Variants in REPS2 observed in about 807,000 individuals in gnomAD.
REPS2 encodes RALBP1 associated Eps domain containing 2.
In REPS2, 23 loss-of-function variants were observed where a neutral mutation model predicts 53.6. The ratio of observed to expected loss-of-function variants is 0.43; its 90% CI spans 0.31 to 0.61. The LOEUF (loss-of-function observed/expected upper bound fraction) is 0.61, where lower values mean the gene tolerates loss of function less well. Among genes scored for constraint, REPS2 ranks in the 20% least tolerant of loss-of-function variants. The pLI, the probability that REPS2 is intolerant of heterozygous loss-of-function variation, is 0.11. For synonymous variants in REPS2, 238 were observed against 218.6 expected (o/e 1.09, Z -0.78); for missense variants, 446 against 534.9 (o/e 0.83, Z 1.64).
At chrX:17,024,916 T>G (rs2061623492) in intron 3 of REPS2, 143 bp from the exon 4 acceptor site, 1 of 810,419 alleles carries the variant, frequency 1.2e-6, no homozygotes, top group Admixed American at 2.4e-5. Flanking sequence ...TGTTTAACCA[T>G]GCTGCATTTT....
intron 13 of REPS2, among the ~76,000 whole-genome samples, chrX:17,085,817 T>C (rs962224271): frequency 8.9e-6 from 1 of 111,895 alleles, no homozygotes; most frequent in Non-Finnish European, 1.9e-5. Flanking sequence ...TAATTGTATA[T>C]ATAAACTCTT....
At chrX:17,038,612 C>T (rs2061794390) in intron 5 of REPS2, among the ~76,000 whole-genome samples, 1 of 112,600 alleles carries the variant, frequency 8.9e-6, no homozygotes, top group African/African-American at 3.2e-5. Context: ...TTGAGTGGAA[C>T]CTAAGTCCTA....
the REPS2 span, among the ~76,000 whole-genome samples, chrX:17,179,629 T>A: frequency 2.7e-5 from 3 of 112,094 alleles, no homozygotes; most frequent in Non-Finnish European, 5.6e-5. Flanking sequence ...ATACATAAAT[T>A]ATTATTATTT....
intron 16 of REPS2, chrX:17,135,632 G>T (rs2063356034): frequency 6.1e-6 from 2 of 327,403 alleles, no homozygotes; most frequent in African/African-American, 2.7e-5. Flanking sequence ...CTAGGCTGTG[G>T]TGTTTGGTTT....
intron 1 of REPS2, among the ~76,000 whole-genome samples, chrX:16,964,215 G>A (rs2060703082): frequency 9.3e-6 from 1 of 108,100 alleles, no homozygotes; most frequent in Non-Finnish European, 1.9e-5. Context: ...CTTGAGATTA[G>A]GGAGTGGTGC....
chrX:17,044,051 A>G (rs1247061931), intron 5 of REPS2, among the ~76,000 whole-genome samples: 2 of 112,377 alleles, frequency 1.8e-5, no homozygotes, highest in East Asian at 5.6e-4. Flanking sequence ...GCAGCAGGTC[A>G]TCTCTGCAGG....
the REPS2 span, among the ~76,000 whole-genome samples, chrX:17,188,354 T>C: frequency 8.9e-6 from 1 of 112,324 alleles, no homozygotes; most frequent in Admixed American, 9.5e-5. Context: ...CCACTCTTTT[T>C]GAGGACAGAG....
At chrX:16,963,550 T>C (rs187101228) in intron 1 of REPS2, among the ~76,000 whole-genome samples, 16 of 112,554 alleles carry the variant, frequency 1.4e-4, no homozygotes, top group Non-Finnish European at 2.6e-4. Flanking sequence ...GTATAATTTT[T>C]TTCTCTCTCA....
At chrX:16,963,024 G>A (rs747853208) in intron 1 of REPS2, among the ~76,000 whole-genome samples, 4 of 111,353 alleles carry the variant, frequency 3.6e-5, no homozygotes, top group Non-Finnish European at 7.5e-5. Flanking sequence ...GCTTGAGCCC[G>A]AAAGGTAGAG....
intron 5 of REPS2, among the ~76,000 whole-genome samples, chrX:17,038,181 A>G (rs1476343679): frequency 8.9e-6 from 1 of 112,591 alleles, no homozygotes; most frequent in Admixed American, 9.4e-5. Flanking sequence ...GATCCCACCT[A>G]TGCATGTGGA....
chrX:17,023,033 A>G (rs2061594999), intron 3 of REPS2, among the ~76,000 whole-genome samples: 1 of 112,477 alleles, frequency 8.9e-6, no homozygotes, highest in African/African-American at 3.2e-5. Context: ...CCCTGCAGGC[A>G]TCAAGGTATA....
chrX:17,084,860 G>T (rs1292994553), intron 13 of REPS2, among the ~76,000 whole-genome samples: 1 of 111,794 alleles, frequency 8.9e-6, no homozygotes, highest in Non-Finnish European at 1.9e-5. Context: ...TTTTGATGGT[G>T]TCCTTTGAAT....
chrX:16,969,284 G>T (rs1338021750), intron 1 of REPS2, among the ~76,000 whole-genome samples: 3 of 111,582 alleles, frequency 2.7e-5, no homozygotes, highest in Admixed American at 9.4e-5. Flanking sequence ...CCAGACGATG[G>T]GTGGCCAGGC....
chrX:17,132,464 C>A (rs2063305735), intron 14 of REPS2, among the ~76,000 whole-genome samples: 1 of 112,799 alleles, frequency 8.9e-6, no homozygotes, highest in African/African-American at 3.2e-5. Flanking sequence ...TTTCTGGGAG[C>A]CAAGAAGATG....
At chrX:17,157,447 C>G (rs1196436332), downstream of REPS2, among the ~76,000 whole-genome samples, 2 of 112,305 alleles carry the variant, frequency 1.8e-5, no homozygotes, top group Non-Finnish European at 3.8e-5. Flanking sequence ...TCTACCCTTA[C>G]TGTTTCCATT....
intron 1 of REPS2, among the ~76,000 whole-genome samples, chrX:16,947,800 T>C (rs1256181402): frequency 8.9e-6 from 1 of 112,036 alleles, no homozygotes; most frequent in Non-Finnish European, 1.9e-5. Flanking sequence ...AAGTCCACCA[T>C]GGGAAACAGC....
chrX:17,165,706 TA>T, the REPS2 span, among the ~76,000 whole-genome samples: 1 of 111,095 alleles, frequency 9.0e-6, no homozygotes, highest in African/African-American at 3.3e-5. Flanking sequence ...TGTTTTTAAT[TA>T]CTCATTTACT....
chrX:17,031,463 A>T (rs184963487), intron 5 of REPS2, among the ~76,000 whole-genome samples: 56 of 112,281 alleles, frequency 5.0e-4, no homozygotes, highest in Non-Finnish European at 8.5e-4. Flanking sequence ...CACTCAACTA[A>T]TATTTAGTGA....
chrX:17,109,980 A>C (rs868152171), intron 14 of REPS2, among the ~76,000 whole-genome samples: 29 of 112,266 alleles, frequency 2.6e-4, no homozygotes, highest in African/African-American at 9.1e-4. Context: ...TAAATACTCT[A>C]TCCTTTTAAT....
Sources: gnomAD v4.1 joint callset for allele counts (sites outside exome capture counted in the v4.1 genomes callset) on GRCh38, gnomAD v4.1.1 for gene constraint, MANE v1.5 for transcripts, NCBI Gene and HGNC (gene_info 2026-07-23, HGNC 2026-07-21) for gene names.